TMEM63A: variants seen among roughly 807,000 people sequenced by gnomAD.
TMEM63A encodes mechanosensitive cation channel TMEM63A.
Under a neutral mutation model 100.6 loss-of-function variants are expected in TMEM63A, and 76 were observed. The ratio of observed to expected loss-of-function variants is 0.76; its 90% CI spans 0.63 to 0.91. The LOEUF (loss-of-function observed/expected upper bound fraction) is 0.91. TMEM63A is among the 40% of genes least tolerant of loss of function. The pLI is 0.00. For synonymous variants in TMEM63A, 401 were observed against 401.1 expected (o/e 1.00, Z 0.00); for missense variants, 876 against 1,008.8 (o/e 0.87, Z 1.78).
chr1:225,870,157 G>A (rs922369176), intron 6 of TMEM63A, among the ~76,000 whole-genome samples: 7 of 151,852 alleles, frequency 4.6e-5, no homozygotes, highest in Admixed American at 1.3e-4. Flanking sequence ...GGAGATCCGC[G>A]TGACCAACAT....
intron 2 of TMEM63A, 115 bp from the exon 3 acceptor site, chr1:225,877,709 G>A (rs360095): frequency 0.59 from 603,738 of 1,022,730 alleles, 184,997 homozygotes; most frequent in Non-Finnish European, 0.63. Context: ...ATCGGGCAGT[G>A]AGCCAGCAGC....
At chr1:225,871,810 G>A (rs57095220) in intron 5 of TMEM63A, 177 bp downstream of exon 5, 29,601 of 583,780 alleles carry the variant, frequency 0.051, 1,152 homozygotes, top group East Asian at 0.15. Flanking sequence ...TCAAGGTCCC[G>A]GGTCATCCAG....
chr1:225,856,253 G>C (rs1218879696), intron 17 of TMEM63A, among the ~76,000 whole-genome samples: 1 of 150,734 alleles, frequency 6.6e-6, no homozygotes, highest in African/African-American at 2.4e-5. Context: ...CAAGCAATCT[G>C]CCCACCTCGG....
Position 225,845,812 on chromosome 1 carries a change from T to C in TMEM63A, c.*1127A>G, listed in dbSNP as rs1213203845. The C allele has an allele frequency of 4.2e-6, 1 of 238,628 alleles. No homozygotes were observed. The highest frequency in any genetic ancestry group is 5.2e-5 in the Admixed American group (1 of 19,102). The allele number at this position is 238,628 out of a possible 1,614,324, so 14.8% of individuals were successfully genotyped here. ...AGTCAGCGTCAAGAGAGTCCCTGAG[T>C]GAGAAGGCCCAGATAAGCCCAGGCC... is the stretch of plus-strand genomic sequence containing the variant. On this transcript the variant is annotated 3_prime_UTR_variant, in exon 25 of 25. Coordinates refer to ENST00000366835, the MANE Select transcript of TMEM63A (RefSeq NM_014698.3).
chr1:225,872,486 A>C (rs1037785581), intron 4 of TMEM63A, among the ~76,000 whole-genome samples: 10 of 152,232 alleles, frequency 6.6e-5, no homozygotes, highest in African/African-American at 2.4e-4. Flanking sequence ...TGCCAAATAA[A>C]CTATGACCAC....
chr1:225,857,379 C>CGGGGGG (rs369068747), intron 15 of TMEM63A, among the ~76,000 whole-genome samples: 3 of 112,710 alleles, frequency 2.7e-5, no homozygotes, highest in African/African-American at 1.3e-4. Flanking sequence ...TCCTGGCCGG[C>CGGGGGG]GGGGCGGGGG....
intron 15 of TMEM63A, among the ~76,000 whole-genome samples, chr1:225,858,768 C>A (rs559719059): frequency 2.1e-4 from 32 of 152,214 alleles, no homozygotes; most frequent in African/African-American, 7.7e-4. Flanking sequence ...CTCACTGGTA[C>A]ATCCCTGCTT....
In TMEM63A at chr1:225,867,767, A is replaced by G; in HGVS notation, c.514+121T>C. On this transcript the variant is annotated intron_variant, in intron 7 of 24. Transcript: ENST00000366835. This position sits in a 1 kb window ranked among gnomAD's most constrained non-coding sequence, Gnocchi z 4.6. ...TAGAAATGTTCAGAGTCACCCTGAGACCATCTTACATCTGAAGTGGGGCAT... is the reference window on the plus strand; with the variant it reads ...TAGAAATGTTCAGAGTCACCCTGAGGCCATCTTACATCTGAAGTGGGGCAT... The G allele has an allele frequency of 1.5e-6, 2 of 1,326,620 alleles. No homozygotes were observed. The highest frequency in any genetic ancestry group is 2.1e-6 in the Non-Finnish European group (2 of 971,626). 82.2% of individuals were successfully genotyped at this position (1,326,620 alleles called of 1,614,324 possible).
intron 10 of TMEM63A, chr1:225,864,366 A>C (rs897237602): frequency 1.3e-5 from 2 of 152,224 alleles, no homozygotes; most frequent in African/African-American, 4.8e-5. Context: ...TGGTCTCAAT[A>C]AGAGCTGTGA....
chr1:225,846,996 C>T (rs571765458), intron 24 of TMEM63A, 38 bp downstream of exon 24: 20 of 1,569,638 alleles, frequency 1.3e-5, no homozygotes, highest in Non-Finnish European at 1.6e-5. Flanking sequence ...CTTCTCACCC[C>T]ACAGGCTCCC....
Position 225,852,733 on chromosome 1 carries a change from C to G in TMEM63A, c.1834G>C (p.Ala612Pro), listed in dbSNP as rs1345278362. The G allele has an allele frequency of 8.7e-6, 14 of 1,613,958 alleles. No homozygotes were observed. Among genetic ancestry groups the G allele is most frequent in the Non-Finnish European group, 1.1e-5 (13 of 1,180,054 alleles). ...ACAGTGAAGACACACAGCATCCATG[C>G]ATACATGGCTCCAAACTCGTACTGG... ...AFQYEFGAMY[A>P]WMLCVFTVIV... Residue 612 changes from alanine (A) to proline (P), a missense_variant, in exon 20 of 25, where the codon GCA becomes CCA. Ala to Pro is a conservative substitution (Grantham distance 27, BLOSUM62 -1). This residue lies in a region of TMEM63A where 339 missense variants were observed against 342.3 expected (regional missense o/e 0.99). Coordinates refer to ENST00000366835, the MANE Select transcript of TMEM63A (RefSeq NM_014698.3).
At chr1:225,875,048 A>T (rs1670709185) in intron 3 of TMEM63A, among the ~76,000 whole-genome samples, 2 of 152,222 alleles carry the variant, frequency 1.3e-5, no homozygotes, top group African/African-American at 4.8e-5. Flanking sequence ...ATTTCATTTT[A>T]AATTACAGAA....
At chr1:225,875,294 C>T (rs561693590) in intron 3 of TMEM63A, among the ~76,000 whole-genome samples, 22 of 152,318 alleles carry the variant, frequency 1.4e-4, no homozygotes, top group South Asian at 1.2e-3. Context: ...CCGCTTAGCT[C>T]TAGACATCTG....
downstream of TMEM63A, chr1:225,844,707 G>A: frequency 6.3e-6 from 10 of 1,582,458 alleles, no homozygotes; most frequent in Non-Finnish European, 8.6e-6. Context: ...AAGGGCACTT[G>A]GTGGTGGGAT....
chr1:225,853,536 T>C lies in TMEM63A; in HGVS notation c.1797+93A>G, dbSNP rs1576074139. The C allele has an allele frequency of 2.4e-6, 3 of 1,271,246 alleles. No homozygotes were observed. The highest frequency in any genetic ancestry group is 6.1e-5 in the Admixed American group (2 of 32,804). The allele number at this position is 1,271,246 out of a possible 1,614,324, so 78.7% of individuals were successfully genotyped here. On this transcript the variant is annotated intron_variant, in intron 19 of 24. Transcript: ENST00000366835. This position sits in a 1 kb window ranked among gnomAD's most constrained non-coding sequence, Gnocchi z 4.0. ...GGGTAGTCAGGTAAATGCTACCCACTAGTGGGGGTAGTGGGGGTGAGAGGC... is the reference window on the plus strand; with the variant it reads ...GGGTAGTCAGGTAAATGCTACCCACCAGTGGGGGTAGTGGGGGTGAGAGGC...
chr1:225,859,647 C>CTTTTTT, intron 14 of TMEM63A: 1 of 335,764 alleles, frequency 3.0e-6, no homozygotes, highest in Non-Finnish European at 5.3e-6. Context: ...TTTTCTTTTT[C>CTTTTTT]TGTTTTTTTT....
chr1:225,842,564 A>T, downstream of TMEM63A: 1 of 939,590 alleles, frequency 1.1e-6, no homozygotes, highest in South Asian at 1.3e-5. Context: ...GTTGCTCTGC[A>T]TGGGGCACTC....
chr1:225,850,137 C>T, intron 20 of TMEM63A, 58 bp from the exon 21 acceptor site: 1 of 1,581,900 alleles, frequency 6.3e-7, no homozygotes, highest in Non-Finnish European at 8.6e-7. Flanking sequence ...ACACCTCTGT[C>T]CTCTTCCTCT....
chr1:225,860,791 C>A, intron 14 of TMEM63A, 69 bp downstream of exon 14: 1 of 1,511,750 alleles, frequency 6.6e-7, no homozygotes, highest in African/African-American at 1.4e-5. Context: ...CACCTGTGCT[C>A]CAGGTGATGG....
Sources: allele counts gnomAD v4.1 joint callset (sites outside exome capture counted in the v4.1 genomes callset), GRCh38; gene constraint gnomAD v4.1.1; regional missense constraint gnomAD v4.1.1; non-coding constraint Gnocchi (gnomAD v3.1); transcripts MANE v1.5; gene names NCBI Gene and HGNC (gene_info 2026-07-23, HGNC 2026-07-21).